The following FOXP2 variants were observed in gnomAD, a reference collection of about 807,000 sequenced individuals.
FOXP2 encodes forkhead box P2.
Under a neutral mutation model 115.8 loss-of-function variants are expected in FOXP2, and 12 were observed. The ratio of observed to expected loss-of-function variants is 0.10; its 90% CI spans 0.07 to 0.17. The LOEUF (loss-of-function observed/expected upper bound fraction) is 0.17, where lower values mean the gene tolerates loss of function less well. Ranked by LOEUF, FOXP2 falls within the 10% of genes least tolerant of loss-of-function variation. The probability of loss-of-function intolerance (pLI) is 1.00; values close to 1 mark genes in which losing one functional copy is unlikely to be tolerated. For missense variants in FOXP2, 629 were observed against 843.5 expected, an observed-to-expected ratio of 0.75 and a Z score of 3.15; for synonymous variants, 328 against 297.7, an observed-to-expected ratio of 1.10 and a Z score of -1.05.
rs1260436431 is a variant in FOXP2, at chr7:114,655,456, A to T, written c.1266+1447A>T. Among the ~76,000 whole-genome samples, 7 of 152,188 alleles carry T rather than the reference A, an allele frequency of 4.6e-5. No individual in the cohort carries two copies. The East Asian group carries it at 1.3e-3, about 29-fold the overall frequency. ...TGCTAATTGCGTTTGATGGTGGGCAATTAATACAGAATCTTAGATGAGCGA... is the reference window on the plus strand; with the variant it reads ...TGCTAATTGCGTTTGATGGTGGGCATTTAATACAGAATCTTAGATGAGCGA... On this transcript the variant is annotated intron_variant, in intron 10 of 16. Transcript: ENST00000350908.
intron 2 of FOXP2, among the ~76,000 whole-genome samples, chr7:114,529,362 C>T (rs1799029167): frequency 6.6e-6 from 1 of 151,830 alleles, no homozygotes; most frequent in Non-Finnish European, 1.5e-5. Context: ...CTGAGGATGA[C>T]TTGAGGATCC....
At chr7:114,111,349 G>A (rs1791263166) in intron 1 of FOXP2, among the ~76,000 whole-genome samples, 1 of 152,058 alleles carries the variant, frequency 6.6e-6, no homozygotes, top group African/African-American at 2.4e-5. Flanking sequence ...CACGTGGAGA[G>A]ACTTACCACA....
At chr7:114,437,224 A>G (rs1444333820) in intron 2 of FOXP2, among the ~76,000 whole-genome samples, 1 of 152,078 alleles carries the variant, frequency 6.6e-6, no homozygotes, top group Non-Finnish European at 1.5e-5. Flanking sequence ...TTTACGTGTG[A>G]TTTAAGTGTT....
chr7:114,415,514 C>G (rs564679497), intron 1 of FOXP2, among the ~76,000 whole-genome samples, 154 bp downstream of exon 1: 1 of 149,972 alleles, frequency 6.7e-6, no homozygotes, highest in East Asian at 2.0e-4. Context: ...TATCTGTTTG[C>G]GAGGGAAAAG....
intron 1 of FOXP2, among the ~76,000 whole-genome samples, chr7:114,241,697 TA>T (rs1795158025): frequency 6.6e-6 from 1 of 151,638 alleles, no homozygotes; most frequent in African/African-American, 2.4e-5. Flanking sequence ...GTTGGGCACA[TA>T]GGGAGATGAT....
intron 2 of FOXP2, among the ~76,000 whole-genome samples, chr7:114,532,457 C>T (rs1799186019): frequency 6.6e-6 from 1 of 151,800 alleles, no homozygotes; most frequent in African/African-American, 2.4e-5. Context: ...TTTGACAGAA[C>T]AGAAACAGTA....
intron 1 of FOXP2, among the ~76,000 whole-genome samples, chr7:114,418,100 C>T (rs990096060): frequency 1.3e-5 from 2 of 151,878 alleles, no homozygotes; most frequent in Non-Finnish European, 2.9e-5. Flanking sequence ...ATATTAAACT[C>T]CAGTGGTTAT....
chr7:114,106,782 G>A (rs1214821118), intron 1 of FOXP2, among the ~76,000 whole-genome samples: 1 of 151,888 alleles, frequency 6.6e-6, no homozygotes, highest in Non-Finnish European at 1.5e-5. Flanking sequence ...AGTTCTCTGA[G>A]GCTATTAGAT....
intron 2 of FOXP2, among the ~76,000 whole-genome samples, chr7:114,455,363 C>T (rs1201943491): frequency 1.3e-5 from 2 of 152,134 alleles, no homozygotes; most frequent in East Asian, 3.8e-4. Context: ...GAACCATTTG[C>T]CATTGTGTAT....
At chr7:114,095,101 C>A (rs1486375688) in intron 1 of FOXP2, among the ~76,000 whole-genome samples, 2 of 152,094 alleles carry the variant, frequency 1.3e-5, no homozygotes, top group Non-Finnish European at 2.9e-5. Flanking sequence ...GTTATTATCC[C>A]ACATCGTTAA....
intron 2 of FOXP2, among the ~76,000 whole-genome samples, chr7:114,468,756 CT>C (rs1795918922): frequency 6.6e-6 from 1 of 152,060 alleles, no homozygotes; most frequent in Non-Finnish European, 1.5e-5. Context: ...TCAAAATTAT[CT>C]TTTTATATAT....
At chr7:114,654,240 T>C in intron 10 of FOXP2, 1 of 972,304 alleles carries the variant, frequency 1.0e-6, no homozygotes, top group Non-Finnish European at 1.4e-6. Flanking sequence ...AGTACACCTA[T>C]CAGTGCACAA....
intron 1 of FOXP2, among the ~76,000 whole-genome samples, chr7:114,263,112 T>G (rs1294051781): frequency 1.3e-5 from 2 of 152,200 alleles, no homozygotes; most frequent in Non-Finnish European, 2.9e-5. Context: ...CCCTGAAACC[T>G]TGCTCCATTG....
chr7:114,131,469 C>G (rs1016249655), intron 1 of FOXP2, among the ~76,000 whole-genome samples: 1 of 151,560 alleles, frequency 6.6e-6, no homozygotes, highest in Non-Finnish European at 1.5e-5. Flanking sequence ...AAAAGGTTAC[C>G]GGGACAATGT....
intron 2 of FOXP2, among the ~76,000 whole-genome samples, chr7:114,294,918 A>G (rs974120457): frequency 6.6e-6 from 1 of 152,132 alleles, no homozygotes; most frequent in Non-Finnish European, 1.5e-5. Context: ...ATATATACAT[A>G]CATACATACA....
intron 2 of FOXP2, among the ~76,000 whole-genome samples, chr7:114,349,857 T>C (rs2129185515): frequency 6.6e-6 from 1 of 152,266 alleles, no homozygotes; most frequent in Non-Finnish European, 1.5e-5. Flanking sequence ...ACACTTAGAA[T>C]GTTTCTAAAT....
intron 2 of FOXP2, among the ~76,000 whole-genome samples, chr7:114,376,303 A>AT (rs1414874911): frequency 6.6e-6 from 1 of 152,188 alleles, no homozygotes; most frequent in Non-Finnish European, 1.5e-5. Flanking sequence ...TAGAGAATGG[A>AT]TTTTGGAAGG....
At chr7:114,675,907 T>TTAG (rs1807727460) in intron 16 of FOXP2, among the ~76,000 whole-genome samples, 1 of 150,668 alleles carries the variant, frequency 6.6e-6, no homozygotes, top group South Asian at 2.1e-4. Context: ...TATTTTATTA[T>TTAG]TATTATTATT....
intron 2 of FOXP2, among the ~76,000 whole-genome samples, chr7:114,396,684 T>A (rs1385599962): frequency 2.6e-5 from 4 of 151,728 alleles, no homozygotes; most frequent in Admixed American, 1.3e-4. Flanking sequence ...GTGGTGGTGG[T>A]GGTGGGGTTG....
Sources: gnomAD v4.1 joint callset for allele counts (sites outside exome capture counted in the v4.1 genomes callset) on GRCh38, gnomAD v4.1.1 for gene constraint, MANE v1.5 for transcripts, NCBI Gene and HGNC (gene_info 2026-07-23, HGNC 2026-07-21) for gene names.